Variants in DMRT1 observed in about 807,000 individuals in gnomAD.
The protein encoded by DMRT1 is doublesex- and mab-3-related transcription factor 1.
DMRT1 carries 7 observed loss-of-function variants against 32.3 expected under a neutral mutation model. That is an observed-to-expected ratio of 0.22 (90% CI 0.12 to 0.41). The LOEUF is 0.41. Ranked by LOEUF, DMRT1 falls within the 10% of genes least tolerant of loss-of-function variation. The pLI is 1.00. For missense variants in DMRT1, 625 were observed against 500.5 expected (o/e 1.25, Z -2.37); for synonymous variants, 278 against 206.1 (o/e 1.35, Z -2.99).
At chr9:949,379 C>A (rs555481132) in intron 4 of DMRT1, among the ~76,000 whole-genome samples, 80 of 151,630 alleles carry the variant, frequency 5.3e-4, no homozygotes, top group African/African-American at 1.7e-3. Flanking sequence ...AAAAAAAAAC[C>A]CCAAAAAACC....
chr9:883,661 G>A (rs183984315), intron 2 of DMRT1, among the ~76,000 whole-genome samples: 79 of 151,590 alleles, frequency 5.2e-4, no homozygotes, highest in African/African-American at 1.7e-3. Flanking sequence ...GTATGGTGGC[G>A]TGCCCCTGTA....
chr9:889,342 C>T (rs952121591), intron 2 of DMRT1, among the ~76,000 whole-genome samples: 1 of 152,098 alleles, frequency 6.6e-6, no homozygotes, highest in African/African-American at 2.4e-5. Flanking sequence ...ATTTTAACAG[C>T]GTAAAGGCAG....
chr9:899,698 G>A (rs568435110), intron 3 of DMRT1, among the ~76,000 whole-genome samples: 2 of 152,294 alleles, frequency 1.3e-5, no homozygotes, highest in East Asian at 3.9e-4. Context: ...TTATTGCCTT[G>A]TGCACTCCTC....
intron 2 of DMRT1, among the ~76,000 whole-genome samples, chr9:855,441 G>C (rs1268870347): frequency 6.6e-6 from 1 of 152,122 alleles, no homozygotes; most frequent in African/African-American, 2.4e-5. Context: ...GTATAGTACA[G>C]TACCTGGCTT....
intron 2 of DMRT1, among the ~76,000 whole-genome samples, chr9:881,010 G>A (rs12341580): frequency 1.3e-5 from 2 of 152,062 alleles, no homozygotes; most frequent in African/African-American, 4.8e-5. Flanking sequence ...GCTTGAATGG[G>A]TTTAAAGCAG....
chr9:923,342 G>A (rs11791208), intron 4 of DMRT1, among the ~76,000 whole-genome samples: 24,571 of 152,010 alleles, frequency 0.16, 3,056 homozygotes, highest in African/African-American at 0.35. Context: ...GGGTGGTAGA[G>A]AATTCTGTAC....
chr9:917,744 C>G (rs1440143876), intron 4 of DMRT1, among the ~76,000 whole-genome samples: 2 of 152,208 alleles, frequency 1.3e-5, no homozygotes, highest in Non-Finnish European at 2.9e-5. Context: ...GAATGAGAAT[C>G]AGAACCATGC....
intron 2 of DMRT1, among the ~76,000 whole-genome samples, chr9:869,571 A>G (rs1437637211): frequency 1.3e-5 from 2 of 152,016 alleles, no homozygotes; most frequent in African/African-American, 2.4e-5. Flanking sequence ...GACTCTGGCC[A>G]TATTTCTCCC....
At chr9:960,829 G>A (rs1250021167) in intron 4 of DMRT1, among the ~76,000 whole-genome samples, 1 of 152,216 alleles carries the variant, frequency 6.6e-6, no homozygotes, top group Non-Finnish European at 1.5e-5. Flanking sequence ...TCGAGCTCAA[G>A]AAAGATGAAG....
intron 2 of DMRT1, among the ~76,000 whole-genome samples, chr9:849,809 G>A (rs1398781001): frequency 3.0e-5 from 4 of 131,878 alleles, no homozygotes; most frequent in Non-Finnish European, 3.2e-5. Flanking sequence ...TTCTGAGGAC[G>A]ATGGGCTCTC....
rs3084903 is a variant in DMRT1, at chr9:907,829, A to ATGTGTGTGTG, written c.823-8914_823-8905dup. On this transcript the variant is annotated intron_variant, in intron 3 of 4. Transcript: ENST00000382276. ...TTCCATACAGTTCTCTAAAATATAT[A>ATGTGTGTGTG]TGTGTGTGTGTGTGTGTGTGTGTGT... Among the ~76,000 whole-genome samples the ATGTGTGTGTG allele has an allele frequency of 5.6e-3, 844 of 149,534 alleles. 11 individuals are homozygous for ATGTGTGTGTG. Among genetic ancestry groups the ATGTGTGTGTG allele is most frequent in the African/African-American group, 0.018 (718 of 40,652 alleles).
intron 2 of DMRT1, among the ~76,000 whole-genome samples, chr9:862,622 C>T (rs10977187): frequency 0.52 from 78,541 of 151,802 alleles, 21,595 homozygotes; most frequent in East Asian, 0.65. Context: ...ATGGGAAGGT[C>T]GTGCTGTTGT....
At chr9:863,191 G>T (rs899994559) in intron 2 of DMRT1, among the ~76,000 whole-genome samples, 22 of 151,106 alleles carry the variant, frequency 1.5e-4, no homozygotes, top group African/African-American at 5.1e-4. Flanking sequence ...GGGGGTGGCT[G>T]CTTTTAGTCC....
chr9:915,014 A>G (rs1818124754), intron 3 of DMRT1, among the ~76,000 whole-genome samples: 2 of 152,142 alleles, frequency 1.3e-5, no homozygotes, highest in Admixed American at 1.3e-4. Flanking sequence ...AGTTAGTGCT[A>G]TTTTCTTTTT....
chr9:849,867 A>C (rs1265558746), intron 2 of DMRT1, among the ~76,000 whole-genome samples: 1 of 151,580 alleles, frequency 6.6e-6, no homozygotes, highest in Non-Finnish European at 1.5e-5. Context: ...CTTGTTGCCC[A>C]GGGTGGAGGG....
At chr9:858,882 T>C (rs1435386213) in intron 2 of DMRT1, among the ~76,000 whole-genome samples, 2 of 148,486 alleles carry the variant, frequency 1.3e-5, no homozygotes, top group African/African-American at 4.9e-5. Context: ...TATATATATA[T>C]ATATATATAT....
rs73639454 is a variant in DMRT1 at position 869,471 on chromosome 9, G to A, written c.538+22328G>A. 1.9e-3 allele frequency among the ~76,000 whole-genome samples: 296 copies of A among 152,206 alleles called. 1 individual carries two copies. The highest frequency in any genetic ancestry group is 6.8e-3 in the African/African-American group (282 of 41,516). ...AAAATTCAGAACTTTTTGAATTTCCGTCTCCGGGTCATTGCTCCTAGTTGT... is the reference window on the plus strand; with the variant it reads ...AAAATTCAGAACTTTTTGAATTTCCATCTCCGGGTCATTGCTCCTAGTTGT... On this transcript the variant is annotated intron_variant, in intron 2 of 4. Transcript: ENST00000382276.
intron 4 of DMRT1, among the ~76,000 whole-genome samples, chr9:934,430 C>G (rs1818821121): frequency 6.6e-6 from 1 of 152,122 alleles, no homozygotes; most frequent in Admixed American, 6.5e-5. Flanking sequence ...ATTCAGGAGG[C>G]TGAGGGAGGA....
intron 1 of DMRT1, among the ~76,000 whole-genome samples, chr9:843,986 G>GA (rs79611638): frequency 6.6e-6 from 1 of 151,744 alleles, no homozygotes; most frequent in African/African-American, 2.4e-5. Context: ...TGAGTTTACT[G>GA]AAAAAAATTA....
Sources: allele counts gnomAD v4.1 joint callset (sites outside exome capture counted in the v4.1 genomes callset), GRCh38; gene constraint gnomAD v4.1.1; transcripts MANE v1.5; gene names NCBI Gene and HGNC (gene_info 2026-07-23, HGNC 2026-07-21).